The following SLC24A2 variants were observed in gnomAD, a reference collection of about 807,000 sequenced individuals.
SLC24A2 encodes sodium/potassium/calcium exchanger 2.
Under a neutral mutation model 62.0 loss-of-function variants are expected in SLC24A2, and 36 were observed. That is an observed-to-expected ratio of 0.58 (90% confidence interval 0.44 to 0.77). The LOEUF (loss-of-function observed/expected upper bound fraction) is 0.77. Among genes scored for constraint, SLC24A2 ranks in the 30% least tolerant of loss-of-function variants. The pLI, the probability that SLC24A2 is intolerant of heterozygous loss-of-function variation, is 0.00. For missense variants in SLC24A2, 846 were observed against 817.9 expected, an observed-to-expected ratio of 1.03 and a Z score of -0.42; for synonymous variants, 358 against 294.0, an observed-to-expected ratio of 1.22 and a Z score of -2.23.
At chr9:19,710,473 C>A (rs1489494566) in intron 2 of SLC24A2, among the ~76,000 whole-genome samples, 1 of 152,080 alleles carries the variant, frequency 6.6e-6, no homozygotes, top group Non-Finnish European at 1.5e-5. Flanking sequence ...TATAATGGAC[C>A]AGTAGGTCTC....
At chr9:19,941,253 G>C in the SLC24A2 span, among the ~76,000 whole-genome samples, 1 of 151,924 alleles carries the variant, frequency 6.6e-6, no homozygotes, top group African/African-American at 2.4e-5. Context: ...AAAAAAATCT[G>C]AAAATAAATC....
the SLC24A2 span, among the ~76,000 whole-genome samples, chr9:19,836,307 T>C: frequency 6.6e-6 from 1 of 151,768 alleles, no homozygotes; most frequent in Non-Finnish European, 1.5e-5. Context: ...TTTGAATAGA[T>C]CAACAAAATT....
chr9:19,835,033 T>C, the SLC24A2 span, among the ~76,000 whole-genome samples: 3 of 152,058 alleles, frequency 2.0e-5, no homozygotes, highest in East Asian at 5.8e-4. Flanking sequence ...GCTGAGAGAT[T>C]TTGTCACCAC....
At chr9:19,547,216 G>C (rs1302139104) in intron 8 of SLC24A2, among the ~76,000 whole-genome samples, 1 of 152,064 alleles carries the variant, frequency 6.6e-6, no homozygotes, top group Non-Finnish European at 1.5e-5. Context: ...TTTCTGCTTG[G>C]AATAGCACAG....
the SLC24A2 span, among the ~76,000 whole-genome samples, chr9:20,099,398 G>C: frequency 6.6e-6 from 1 of 152,086 alleles, no homozygotes; most frequent in Non-Finnish European, 1.5e-5. Flanking sequence ...TACCTTTTCT[G>C]AACTGAAATC....
chr9:19,686,978 T>G (rs950237222), intron 2 of SLC24A2, among the ~76,000 whole-genome samples: 8 of 152,142 alleles, frequency 5.3e-5, no homozygotes, highest in Non-Finnish European at 8.8e-5. Context: ...TAATGTCCTT[T>G]GCAGCAACAT....
At chr9:20,033,253 A>G in the SLC24A2 span, among the ~76,000 whole-genome samples, 1 of 152,178 alleles carries the variant, frequency 6.6e-6, no homozygotes, top group African/African-American at 2.4e-5. Flanking sequence ...TTAGATTCAG[A>G]CAGACCTGGG....
intron 2 of SLC24A2, among the ~76,000 whole-genome samples, chr9:19,716,688 G>C (rs1424336284): frequency 2.0e-5 from 3 of 152,080 alleles, no homozygotes; most frequent in African/African-American, 7.2e-5. Flanking sequence ...TCCCCTATCT[G>C]ACCCTTTCTT....
the SLC24A2 span, among the ~76,000 whole-genome samples, chr9:20,273,123 A>G: frequency 6.6e-6 from 1 of 152,202 alleles, no homozygotes; most frequent in Non-Finnish European, 1.5e-5. Flanking sequence ...GCCCAAAACC[A>G]TGATGCTTGT....
chr9:20,231,119 T>G, the SLC24A2 span, among the ~76,000 whole-genome samples: 1 of 152,060 alleles, frequency 6.6e-6, no homozygotes, highest in African/African-American at 2.4e-5. Flanking sequence ...CAGTACCATG[T>G]TGTTTTGGTT....
chr9:19,743,805 G>C (rs1185774464), intron 2 of SLC24A2, among the ~76,000 whole-genome samples: 2 of 152,068 alleles, frequency 1.3e-5, no homozygotes, highest in African/African-American at 4.8e-5. Context: ...CGCAATTCTT[G>C]GCACTATAGA....
intron 2 of SLC24A2, among the ~76,000 whole-genome samples, chr9:19,647,842 G>A (rs957079500): frequency 2.0e-5 from 3 of 152,126 alleles, no homozygotes; most frequent in African/African-American, 7.2e-5. Flanking sequence ...CAAAGAGAAG[G>A]CCTGCAATAA....
the SLC24A2 span, among the ~76,000 whole-genome samples, chr9:20,012,196 C>A: frequency 1.3e-5 from 2 of 152,258 alleles, no homozygotes; most frequent in Middle Eastern, 3.4e-3. Context: ...TGAGACTGGG[C>A]AATTTACAAA....
the SLC24A2 span, among the ~76,000 whole-genome samples, chr9:20,247,576 C>G: frequency 6.6e-6 from 1 of 152,144 alleles, no homozygotes; most frequent in Non-Finnish European, 1.5e-5. Context: ...GGAAGCAGAC[C>G]CTCTCCAGAC....
the SLC24A2 span, among the ~76,000 whole-genome samples, chr9:20,107,917 A>C: frequency 5.9e-5 from 9 of 152,236 alleles, no homozygotes; most frequent in East Asian, 1.4e-3. Context: ...CAACCTACAA[A>C]ATGGGAGAAA....
At chr9:20,242,842 T>A in the SLC24A2 span, among the ~76,000 whole-genome samples, 2 of 152,218 alleles carry the variant, frequency 1.3e-5, no homozygotes, top group Admixed American at 6.5e-5. Flanking sequence ...CTTTCACTGG[T>A]GATCTAGTGC....
chr9:20,150,995 AAACC>A, the SLC24A2 span, among the ~76,000 whole-genome samples: 2 of 151,962 alleles, frequency 1.3e-5, no homozygotes, highest in Non-Finnish European at 2.9e-5. Context: ...AAGTCATCCC[AAACC>A]AGCCAGCTTT....
the SLC24A2 span, among the ~76,000 whole-genome samples, chr9:20,208,643 T>C: frequency 6.6e-6 from 1 of 152,202 alleles, no homozygotes; most frequent in Non-Finnish European, 1.5e-5. Context: ...CAGAGAAATT[T>C]GCTGGCAGTG....
At chr9:19,856,076 C>T in the SLC24A2 span, among the ~76,000 whole-genome samples, 2 of 152,054 alleles carry the variant, frequency 1.3e-5, no homozygotes, top group Non-Finnish European at 2.9e-5. Flanking sequence ...GTCTATGTGG[C>T]TATCAATACT....
Sources: gnomAD v4.1 joint callset for allele counts (sites outside exome capture counted in the v4.1 genomes callset) on GRCh38, gnomAD v4.1.1 for gene constraint, MANE v1.5 for transcripts, NCBI Gene and HGNC (gene_info 2026-07-23, HGNC 2026-07-21) for gene names.